Variants in TBXAS1 observed in about 807,000 individuals in gnomAD.
TBXAS1 encodes thromboxane-A synthase.
TBXAS1 carries 48 observed loss-of-function variants against 60.7 expected under a neutral mutation model. The observed-to-expected ratio is 0.79, with a 90% CI of 0.63 to 1.01. The LOEUF (loss-of-function observed/expected upper bound fraction) is 1.01. Ranked by LOEUF, TBXAS1 falls within the 50% of genes least tolerant of loss-of-function variation. The pLI is 0.00. For synonymous variants in TBXAS1, 287 were observed against 269.7 expected (o/e 1.06, Z -0.63); for missense variants, 685 against 686.3 (o/e 1.00, Z 0.02).
intron 4 of TBXAS1, among the ~76,000 whole-genome samples, chr7:139,918,773 C>A (rs1336677962): frequency 1.3e-5 from 2 of 152,134 alleles, no homozygotes; most frequent in African/African-American, 2.4e-5. Flanking sequence ...CCACCACATG[C>A]CCCTGAGCTG....
At chr7:140,009,102 T>C (rs556536268) in intron 10 of TBXAS1, among the ~76,000 whole-genome samples, 1 of 152,250 alleles carries the variant, frequency 6.6e-6, no homozygotes, top group South Asian at 2.1e-4. Flanking sequence ...AACAAAGGGG[T>C]TAGGCTCTTC....
intron 3 of TBXAS1, among the ~76,000 whole-genome samples, chr7:139,883,636 T>C (rs921815298): frequency 8.5e-5 from 13 of 152,220 alleles, no homozygotes; most frequent in Non-Finnish European, 1.8e-4. Context: ...TTCTCTCTAC[T>C]GCTTGTTACC....
chr7:139,924,220 G>A lies in TBXAS1; in HGVS notation c.334-11971G>A, dbSNP rs117974117. The stretch of plus-strand genomic sequence containing the variant: ...TTTAGTTTTTTTAGTTTTTTGAGGC[G>A]CCTCCAAACTGTTCTCCATAGTGAT... On this transcript the variant is annotated intron_variant, in intron 4 of 12. Coordinates refer to ENST00000448866, the MANE Select transcript of TBXAS1 (RefSeq NM_001061.7). Among the ~76,000 whole-genome samples the A allele has an allele frequency of 6.0e-3, 905 of 152,006 alleles. 8 individuals carry two copies. Among genetic ancestry groups the A allele is most frequent in the South Asian group, 0.025 (121 of 4,804 alleles).
intron 9 of TBXAS1, among the ~76,000 whole-genome samples, chr7:139,994,900 C>T (rs1398057408): frequency 6.6e-6 from 1 of 152,238 alleles, no homozygotes; most frequent in Non-Finnish European, 1.5e-5. Flanking sequence ...CCCTTGCGGG[C>T]ATCCCACCTG....
chr7:139,988,496 C>T (rs1812663665), intron 9 of TBXAS1, among the ~76,000 whole-genome samples: 2 of 152,186 alleles, frequency 1.3e-5, no homozygotes, highest in African/African-American at 4.8e-5. Flanking sequence ...TTCACCTTGA[C>T]CAGCCCCCAG....
chr7:139,982,923 C>A (rs1254548366), intron 9 of TBXAS1, among the ~76,000 whole-genome samples: 2 of 152,128 alleles, frequency 1.3e-5, no homozygotes, highest in African/African-American at 4.8e-5. Context: ...CAACTCCCAA[C>A]CCTGCGTTTT....
At chr7:139,998,432 G>T (rs138216566) in intron 9 of TBXAS1, among the ~76,000 whole-genome samples, 13 of 152,280 alleles carry the variant, frequency 8.5e-5, no homozygotes, top group African/African-American at 3.1e-4. Flanking sequence ...GTAAGACCAG[G>T]TAGGCCCAGG....
At chr7:139,939,756 C>T (rs1808130213) in intron 5 of TBXAS1, among the ~76,000 whole-genome samples, 1 of 151,748 alleles carries the variant, frequency 6.6e-6, no homozygotes, top group African/African-American at 2.4e-5. Context: ...AAGGGAGGAG[C>T]GGAGGAGAAA....
intron 1 of TBXAS1, among the ~76,000 whole-genome samples, chr7:139,839,629 A>G (rs1799291212): frequency 6.7e-6 from 1 of 149,604 alleles, no homozygotes; most frequent in South Asian, 2.1e-4. Flanking sequence ...ACTTGAGCCC[A>G]GGAGTTTGAG....
At chr7:139,813,187 C>T (rs1349633448) in intron 4 of TBXAS1, among the ~76,000 whole-genome samples, 1 of 152,172 alleles carries the variant, frequency 6.6e-6, no homozygotes, top group African/African-American at 2.4e-5. Context: ...TCTGAGGAGG[C>T]GCTCATTCCT....
intron 7 of TBXAS1, among the ~76,000 whole-genome samples, chr7:139,956,028 CA>C (rs1480712739): frequency 1.3e-5 from 2 of 152,350 alleles, no homozygotes; most frequent in Admixed American, 1.3e-4. Flanking sequence ...TTTCCTTCAG[CA>C]AAATCCTCTT....
In TBXAS1 at chr7:139,830,551, AC is replaced by A. The variant is rs1798636904; in HGVS notation, c.89+1073del. On this transcript the variant is annotated intron_variant, in intron 1 of 12. Transcript: ENST00000448866. The stretch of plus-strand genomic sequence containing the variant: ...TTAACTGGTTTAATTTTTTTTTTGA[AC>A]TTTTTTATCTCATTGTAGCTTACCT... Among the ~76,000 whole-genome samples, 3 of 120,750 alleles carry A rather than the reference AC, an allele frequency of 2.5e-5. No individual in the cohort carries two copies. In the South Asian group the frequency reaches 8.7e-4, roughly 35 times the overall value. The allele number at this position is 120,750 out of a possible 152,430, so 79.2% of individuals were successfully genotyped here.
chr7:139,898,590 C>A (rs1321588946), intron 3 of TBXAS1, among the ~76,000 whole-genome samples: 2 of 152,054 alleles, frequency 1.3e-5, no homozygotes, highest in East Asian at 3.9e-4. Flanking sequence ...GGATTACAGG[C>A]GTGAGCCACT....
intron 9 of TBXAS1, among the ~76,000 whole-genome samples, chr7:139,979,412 G>C (rs1311031743): frequency 6.6e-6 from 1 of 151,984 alleles, no homozygotes; most frequent in Admixed American, 6.6e-5. Context: ...CCAATAAACA[G>C]ATCAAACAAC....
chr7:139,868,047 A>G (rs1236743075), intron 1 of TBXAS1, among the ~76,000 whole-genome samples: 1 of 152,218 alleles, frequency 6.6e-6, no homozygotes, highest in African/African-American at 2.4e-5. Flanking sequence ...AAACCGAAAG[A>G]TGCTGTCTAA....
chr7:139,785,712 A>G (rs916318400), intron 3 of TBXAS1, among the ~76,000 whole-genome samples: 5 of 151,996 alleles, frequency 3.3e-5, no homozygotes, highest in South Asian at 4.1e-4. Flanking sequence ...GAGTCACCAT[A>G]TTACTGCACA....
chr7:139,892,263 AGAAT>A (rs1291430926), intron 3 of TBXAS1, among the ~76,000 whole-genome samples: 3 of 152,198 alleles, frequency 2.0e-5, no homozygotes, highest in African/African-American at 7.2e-5. Context: ...TGATGGGACT[AGAAT>A]GAATGAGTCA....
At position 140,017,653 on chromosome 7, in the gene TBXAS1, G is replaced by T. The variant is rs372834633; in HGVS notation, c.1365-18G>T. ...GGAGCGGGTGTTCTGGGCCAGCCCTGACCACACGGACCTGCAGGTTCACGG... is the reference window on the plus strand; with the variant it reads ...GGAGCGGGTGTTCTGGGCCAGCCCTTACCACACGGACCTGCAGGTTCACGG... On this transcript the variant is annotated intron_variant, in intron 11 of 12. Coordinates refer to ENST00000448866, the MANE Select transcript of TBXAS1 (RefSeq NM_001061.7). 6.2e-7 allele frequency: 1 copy of T among 1,611,972 alleles called. No homozygotes were observed. The highest frequency in any genetic ancestry group is 1.3e-5 in the African/African-American group (1 of 74,880).
intron 4 of TBXAS1, among the ~76,000 whole-genome samples, chr7:139,809,217 TAG>T (rs1491205989): frequency 7.7e-6 from 1 of 130,292 alleles, no homozygotes; most frequent in African/African-American, 3.2e-5. Context: ...GATAGATAGA[TAG>T]ATAGATAGAT....
Sources: allele counts gnomAD v4.1 joint callset (sites outside exome capture counted in the v4.1 genomes callset), GRCh38; gene constraint gnomAD v4.1.1; transcripts MANE v1.5; gene names NCBI Gene and HGNC (gene_info 2026-07-23, HGNC 2026-07-21).